Variants in LRRC37A2 observed in about 807,000 individuals in gnomAD.
The protein encoded by LRRC37A2 is leucine rich repeat containing 37 member A2, also known as leucine-rich repeat-containing protein 37A2.
LRRC37A2 carries 9 observed loss-of-function variants against 68.8 expected under a neutral mutation model. That is an observed-to-expected ratio of 0.13 (90% CI 0.08 to 0.23). The LOEUF is 0.23. Ranked by LOEUF, LRRC37A2 falls within the 10% of genes least tolerant of loss-of-function variation. The pLI, the probability that LRRC37A2 is intolerant of heterozygous loss-of-function variation, is 1.00. For missense variants in LRRC37A2, 168 were observed against 950.4 expected (o/e 0.18, Z 10.82); for synonymous variants, 63 against 367.6 (o/e 0.17, Z 9.48).
At chr17:46,808,130 C>A in the LRRC37A2 span, among the ~76,000 whole-genome samples, 2 of 152,152 alleles carry the variant, frequency 1.3e-5, no homozygotes, top group Non-Finnish European at 2.9e-5. Context: ...TTTACGCTAC[C>A]CTTTCTGTTT....
chr17:47,007,682 G>T, the LRRC37A2 span, among the ~76,000 whole-genome samples: 1 of 151,986 alleles, frequency 6.6e-6, no homozygotes, highest in Non-Finnish European at 1.5e-5. Flanking sequence ...TCTAGGATTT[G>T]ATATTTTCAG....
chr17:46,784,777 CTT>C, the LRRC37A2 span, among the ~76,000 whole-genome samples: 90,086 of 129,052 alleles, frequency 0.7, 31,102 homozygotes, highest in South Asian at 0.84. Context: ...TTTTGCTTTT[CTT>C]TTTTTTTTTT....
the LRRC37A2 span, among the ~76,000 whole-genome samples, chr17:47,007,263 C>T: frequency 1.4e-4 from 21 of 152,080 alleles, no homozygotes; most frequent in Non-Finnish European, 2.8e-4. Context: ...CTGCAACCTC[C>T]GCCTCCTGGG....
At chr17:46,903,818 T>C in the LRRC37A2 span, among the ~76,000 whole-genome samples, 1 of 49,122 alleles carries the variant, frequency 2.0e-5, no homozygotes, top group East Asian at 5.0e-4. Context: ...GGTGGATAGA[T>C]GGGTGGGTGG....
chr17:46,721,773 C>A, the LRRC37A2 span: 9 of 1,602,058 alleles, frequency 5.6e-6, no homozygotes, highest in Non-Finnish European at 7.7e-6. Flanking sequence ...AAGACCAAGT[C>A]CTCAAGGAAG....
the LRRC37A2 span, among the ~76,000 whole-genome samples, chr17:46,987,614 G>A: frequency 6.6e-6 from 1 of 152,108 alleles, no homozygotes; most frequent in African/African-American, 2.4e-5. Context: ...CCCGATGAGT[G>A]ACCCCACTCT....
chr17:46,804,232 T>G, the LRRC37A2 span, among the ~76,000 whole-genome samples: 1 of 151,784 alleles, frequency 6.6e-6, no homozygotes, highest in African/African-American at 2.4e-5. Flanking sequence ...GGACTACAGG[T>G]GCGTGCCACC....
At chr17:46,808,463 A>G in the LRRC37A2 span, among the ~76,000 whole-genome samples, 1 of 152,226 alleles carries the variant, frequency 6.6e-6, no homozygotes, top group East Asian at 1.9e-4. Context: ...CCCCAATAAC[A>G]AGTCCACAAC....
chr17:46,838,907 G>A, the LRRC37A2 span, among the ~76,000 whole-genome samples: 6 of 151,934 alleles, frequency 3.9e-5, no homozygotes, highest in African/African-American at 9.7e-5. Flanking sequence ...AGACGGAGTC[G>A]CACTCTGTCG....
chr17:47,007,637 A>G, the LRRC37A2 span, among the ~76,000 whole-genome samples: 1 of 152,230 alleles, frequency 6.6e-6, no homozygotes, highest in African/African-American at 2.4e-5. Flanking sequence ...CTGTTCGAGA[A>G]TGATGTTAGT....
the LRRC37A2 span, among the ~76,000 whole-genome samples, chr17:46,830,099 G>A: frequency 2.0e-5 from 3 of 152,202 alleles, no homozygotes; most frequent in Middle Eastern, 3.4e-3. Context: ...GTGACGAGAT[G>A]TTCCCAGCTC....
rs567257736 is a variant in LRRC37A2 at position 46,534,744 on chromosome 17, G to T, written c.2907-5432G>T. 3.8e-3 allele frequency among the ~76,000 whole-genome samples: 574 copies of T among 150,188 alleles called. 10 individuals carry two copies. The highest frequency in any genetic ancestry group is 0.014 in the African/African-American group (549 of 39,800). On this transcript the variant is annotated intron_variant, in intron 6 of 14. Transcript: ENST00000576629. The stretch of plus-strand genomic sequence containing the variant: ...CCAGACGGGGTGGCGGCCGGGCAGA[G>T]GGGCTCCTCACTTCCCAGAAGGGGC...
chr17:47,008,005 T>C, the LRRC37A2 span: 12 of 152,228 alleles, frequency 7.9e-5, no homozygotes, highest in Non-Finnish European at 1.6e-4. Context: ...GAGGTGGTCA[T>C]TGAATGCTAG....
chr17:46,912,722 G>A, the LRRC37A2 span, among the ~76,000 whole-genome samples: 1 of 152,210 alleles, frequency 6.6e-6, no homozygotes, highest in African/African-American at 2.4e-5. Flanking sequence ...AAGGGGGTGA[G>A]GAGAAATCCA....
chr17:46,828,963 AAAAC>A, the LRRC37A2 span, among the ~76,000 whole-genome samples: 3 of 152,140 alleles, frequency 2.0e-5, no homozygotes, highest in African/African-American at 7.2e-5. Flanking sequence ...AAACAAAAAC[AAAAC>A]AAACAAACAG....
the LRRC37A2 span, among the ~76,000 whole-genome samples, chr17:46,837,883 G>A: frequency 6.6e-6 from 1 of 152,196 alleles, no homozygotes; most frequent in Non-Finnish European, 1.5e-5. Flanking sequence ...TGCAGTGATT[G>A]TTTTCTGACA....
chr17:46,966,103 A>T, the LRRC37A2 span, among the ~76,000 whole-genome samples: 1 of 152,036 alleles, frequency 6.6e-6, no homozygotes, highest in African/African-American at 2.4e-5. Context: ...TCTCCTCCTC[A>T]TCTTCTTCAT....
At chr17:46,940,120 C>A in the LRRC37A2 span, 1 of 1,225,934 alleles carries the variant, frequency 8.2e-7, no homozygotes, top group Non-Finnish European at 1.0e-6. Flanking sequence ...CTCTTCACCT[C>A]TCTTGTTCCC....
At chr17:46,887,780 A>G in the LRRC37A2 span, among the ~76,000 whole-genome samples, 1 of 152,024 alleles carries the variant, frequency 6.6e-6, no homozygotes, top group Non-Finnish European at 1.5e-5. Context: ...AAAGAAAGAA[A>G]GAAAGAAAGA....
Sources: allele counts gnomAD v4.1 joint callset (sites outside exome capture counted in the v4.1 genomes callset), GRCh38; gene constraint gnomAD v4.1.1; transcripts MANE v1.5; gene names NCBI Gene and HGNC (gene_info 2026-07-23, HGNC 2026-07-21).